TASP1: variants seen among roughly 807,000 people sequenced by gnomAD.
TASP1 encodes threonine aspartase 1.
A neutral mutation model predicts 56.6 loss-of-function variants in TASP1; 16 were observed. That is an observed-to-expected ratio of 0.28 (90% CI 0.19 to 0.43). The LOEUF (loss-of-function observed/expected upper bound fraction) is 0.43, where lower values mean the gene tolerates loss of function less well. Among genes scored for constraint, TASP1 ranks in the 20% least tolerant of loss-of-function variants. The pLI, the probability that TASP1 is intolerant of heterozygous loss-of-function variation, is 1.00. For synonymous variants in TASP1, 179 were observed against 184.2 expected, an observed-to-expected ratio of 0.97 and a Z score of 0.23; for missense variants, 393 against 511.6, an observed-to-expected ratio of 0.77 and a Z score of 2.24.
chr20:13,612,637 T>C (rs534656829), intron 4 of TASP1, among the ~76,000 whole-genome samples: 5 of 152,136 alleles, frequency 3.3e-5, no homozygotes, highest in Non-Finnish European at 7.4e-5. Context: ...TGAGAATCTA[T>C]CTATAAATCA....
intron 4 of TASP1, 39 bp from the exon 5 acceptor site, chr20:13,587,409 TAAA>T (rs750294737): frequency 1.3e-6 from 2 of 1,530,842 alleles, no homozygotes; most frequent in African/African-American, 2.8e-5. Context: ...TCATTAGTCT[TAAA>T]AAAAGTATTA....
chr20:13,620,211 GAT>G (rs1261784947), intron 4 of TASP1, among the ~76,000 whole-genome samples: 1 of 150,764 alleles, frequency 6.6e-6, no homozygotes, highest in African/African-American at 2.5e-5. Flanking sequence ...GCTAAAAAAT[GAT>G]ATGTCTGCAT....
the TASP1 span, among the ~76,000 whole-genome samples, chr20:13,206,757 A>G: frequency 8.9e-3 from 1,353 of 152,314 alleles, 18 homozygotes; most frequent in African/African-American, 0.031. Flanking sequence ...AGTTCTAGAA[A>G]TGAGTGAATC....
At chr20:13,624,893 C>T (rs750660916) in intron 3 of TASP1, among the ~76,000 whole-genome samples, 3 of 152,118 alleles carry the variant, frequency 2.0e-5, no homozygotes, top group Non-Finnish European at 2.9e-5. Flanking sequence ...TTTCTCTATC[C>T]TTCTGTCTAC....
chr20:13,577,606 C>T (rs1413204916), intron 6 of TASP1, among the ~76,000 whole-genome samples: 1 of 151,998 alleles, frequency 6.6e-6, no homozygotes, highest in Non-Finnish European at 1.5e-5. Flanking sequence ...AGAAATTTTT[C>T]TCTCTCTCAA....
At chr20:13,359,351 G>A in the TASP1 span, among the ~76,000 whole-genome samples, 3 of 151,418 alleles carry the variant, frequency 2.0e-5, no homozygotes, top group Non-Finnish European at 2.9e-5. Flanking sequence ...CAACTCACCT[G>A]GCAGCCACTC....
At chr20:13,626,625 A>G (rs1379600777) in intron 2 of TASP1, among the ~76,000 whole-genome samples, 1 of 152,204 alleles carries the variant, frequency 6.6e-6, no homozygotes, top group African/African-American at 2.4e-5. Context: ...CCAAGCCACC[A>G]GAATCCACAA....
At chr20:13,254,553 T>C in the TASP1 span, among the ~76,000 whole-genome samples, 7 of 152,312 alleles carry the variant, frequency 4.6e-5, no homozygotes, top group East Asian at 9.6e-4. Context: ...TTGGTGCACT[T>C]GCTGGGTGCT....
chr20:13,230,052 A>G, the TASP1 span, among the ~76,000 whole-genome samples: 2 of 152,132 alleles, frequency 1.3e-5, no homozygotes, highest in Admixed American at 1.3e-4. Context: ...TCCTTCATTT[A>G]TTCACTTCTA....
Position 13,483,252 on chromosome 20 carries a change from C to T in TASP1, c.960G>A (p.Leu320=). 6.3e-7 allele frequency: 1 copy of T among 1,594,948 alleles called. No individual in the cohort carries two copies. The highest frequency in any genetic ancestry group is 8.5e-7 in the Non-Finnish European group (1 of 1,170,218). ...TGATAAACTTGTTTTGCATAGTCTC[C>T]AACAGGGCTTGGTGAGCATCCTCAG... ...LQAEDAHQAL[L]ETMQNKFISS... The change falls in exon 11 of 14, where the codon TTG becomes TTA. Residue 320 remains leucine, a synonymous_variant. Coordinates refer to ENST00000337743, the MANE Select transcript of TASP1 (RefSeq NM_017714.3).
the TASP1 span, among the ~76,000 whole-genome samples, chr20:13,129,085 T>A: frequency 6.6e-6 from 1 of 151,992 alleles, no homozygotes; most frequent in African/African-American, 2.4e-5. Context: ...CAGATTGGTC[T>A]CAAACTCCTG....
chr20:13,259,005 G>A, the TASP1 span, among the ~76,000 whole-genome samples: 22 of 152,240 alleles, frequency 1.4e-4, no homozygotes, highest in African/African-American at 5.1e-4. Flanking sequence ...AATCTGGGCC[G>A]GGCGCAATGG....
chr20:13,289,723 A>G, the TASP1 span, among the ~76,000 whole-genome samples: 2 of 152,196 alleles, frequency 1.3e-5, no homozygotes, highest in East Asian at 3.9e-4. Context: ...ACCATATGTG[A>G]CCCACAAAAC....
intron 8 of TASP1, among the ~76,000 whole-genome samples, chr20:13,543,113 A>T (rs1276075351): frequency 6.6e-6 from 1 of 152,170 alleles, no homozygotes; most frequent in Non-Finnish European, 1.5e-5. Context: ...GCAAAAGCCC[A>T]TCCCTCCAGC....
the TASP1 span, among the ~76,000 whole-genome samples, chr20:13,351,862 G>T: frequency 2.6e-5 from 4 of 152,314 alleles, no homozygotes; most frequent in East Asian, 7.7e-4. Context: ...TGATGGAAAT[G>T]TTCCATATTT....
intron 13 of TASP1, among the ~76,000 whole-genome samples, chr20:13,396,524 T>G (rs1304822919): frequency 6.6e-6 from 1 of 152,216 alleles, no homozygotes; most frequent in Non-Finnish European, 1.5e-5. Flanking sequence ...GGTTAGATGG[T>G]CTCTAGAGCA....
chr20:13,449,518 A>G (rs1282394859), intron 11 of TASP1, among the ~76,000 whole-genome samples: 2 of 152,028 alleles, frequency 1.3e-5, no homozygotes, highest in Admixed American at 1.3e-4. Context: ...AGCTTTGTGT[A>G]CTCTCATTAA....
chr20:13,511,099 TACG>T (rs2044309822), intron 10 of TASP1, among the ~76,000 whole-genome samples: 1 of 151,418 alleles, frequency 6.6e-6, no homozygotes, highest in South Asian at 2.1e-4. Flanking sequence ...GAAATAAACA[TACG>T]ACATTAGCCA....
chr20:13,435,806 G>A (rs1184206819), intron 11 of TASP1, among the ~76,000 whole-genome samples: 2 of 152,278 alleles, frequency 1.3e-5, no homozygotes, highest in Non-Finnish European at 2.9e-5. Context: ...GGCATAGCAA[G>A]TGAGCACGTG....
Sources: allele counts gnomAD v4.1 joint callset (sites outside exome capture counted in the v4.1 genomes callset), GRCh38; gene constraint gnomAD v4.1.1; transcripts MANE v1.5; gene names NCBI Gene and HGNC (gene_info 2026-07-23, HGNC 2026-07-21).